TBC1D31: variants seen among roughly 807,000 people sequenced by gnomAD.
The protein encoded by TBC1D31 is TBC1 domain family member 31.
Under a neutral mutation model 132.9 loss-of-function variants are expected in TBC1D31, and 99 were observed. The observed-to-expected ratio is 0.74, with a 90% confidence interval of 0.63 to 0.88. TBC1D31 has a LOEUF of 0.88. Among genes scored for constraint, TBC1D31 ranks in the 40% least tolerant of loss-of-function variants. TBC1D31 has a pLI of 0.00. For missense variants in TBC1D31, 1,134 were observed against 1,256.6 expected (o/e 0.90, Z 1.48); for synonymous variants, 385 against 419.4 (o/e 0.92, Z 1.00).
rs1356775568 is a variant in TBC1D31, at chr8:123,126,080, A to C, written c.1595A>C (p.Glu532Ala). The C allele has an allele frequency of 6.2e-7, 1 of 1,608,494 alleles. No homozygotes were observed. Residue 532 changes from glutamate to alanine, a missense_variant, in exon 12 of 22, where the codon GAA becomes GCA. Transcript: ENST00000287380. ...GTCAATTGGTGTCAACACTGGTTTGAATATTTTCCTAATCCTCCTATCAAT... is the reference window on the plus strand; with the variant it reads ...GTCAATTGGTGTCAACACTGGTTTGCATATTTTCCTAATCCTCCTATCAAT... ...LIINWCQHWF[E>A]YFPNPPINIL...
intron 11 of TBC1D31, among the ~76,000 whole-genome samples, chr8:123,121,146 CAG>C (rs1254544136): frequency 6.6e-6 from 1 of 151,900 alleles, no homozygotes; most frequent in Non-Finnish European, 1.5e-5. Flanking sequence ...TTAGTAGAGA[CAG>C]AGTTTCACCA....
chr8:123,161,913 G>A, the TBC1D31 span, among the ~76,000 whole-genome samples: 1 of 151,570 alleles, frequency 6.6e-6, no homozygotes, highest in Non-Finnish European at 1.5e-5. Flanking sequence ...AGCTACTCGG[G>A]AGGCTAAGGC....
At chr8:123,128,225 A>G in intron 13 of TBC1D31, 56 bp from the exon 14 acceptor site, 2 of 862,900 alleles carry the variant, frequency 2.3e-6, no homozygotes, top group East Asian at 2.5e-5. Flanking sequence ...TTTTAATTCT[A>G]CCTCATAATT....
chr8:123,093,719 A>T lies in TBC1D31; in HGVS notation c.648A>T (p.Leu216Phe), dbSNP rs368195088. The T allele has an allele frequency of 1.9e-6, 3 of 1,598,320 alleles. No individual in the cohort carries two copies. In the African/African-American group the frequency reaches 4.0e-5, roughly 21 times the overall value. ...CTCCACCTGAAAGCTCTAGTATATT[A>T]TACAAAGTGTTTGCTGTAACCAGGT... is the stretch of plus-strand genomic sequence containing the variant. The part of the protein sequence containing the change: ...LPAPPESSSI[L>F]YKVFAVTRDG... The change falls in exon 5 of 22, where the codon TTA (leucine) becomes TTT (phenylalanine). Residue 216 changes from leucine to phenylalanine, a missense_variant. By Grantham distance (22) the Leu-to-Phe change is conservative. Transcript: ENST00000287380.
chr8:123,092,798 C>A (rs1286763349), intron 4 of TBC1D31, among the ~76,000 whole-genome samples: 2 of 121,050 alleles, frequency 1.7e-5, no homozygotes, highest in Non-Finnish European at 3.4e-5. Context: ...TACAGGCACA[C>A]ACCCGGCTAA....
At position 123,092,808 on chromosome 8, in the gene TBC1D31, A is replaced by ATTTTTTTTTTTTTTT. The variant is rs71573666; in HGVS notation, c.520-776_520-762dup. ...GGGACTACAGGCACACACCCGGCTA[A>ATTTTTTTTTTTTTTT]TTTTTTTTTTTTTTTTTTTTTGAGA... On this transcript the variant is annotated intron_variant, in intron 4 of 21. Transcript: ENST00000287380. Among the ~76,000 whole-genome samples, 33 of 103,526 alleles carry ATTTTTTTTTTTTTTT rather than the reference A, an allele frequency of 3.2e-4. 1 individual carries two copies. The highest frequency in any genetic ancestry group is 1.2e-3 in the African/African-American group (28 of 24,332). 67.9% of individuals were successfully genotyped at this position (103,526 alleles called of 152,430 possible).
intron 10 of TBC1D31, among the ~76,000 whole-genome samples, chr8:123,118,510 G>T (rs1209788076): frequency 5.3e-5 from 8 of 152,070 alleles, no homozygotes; most frequent in African/African-American, 1.2e-4. Flanking sequence ...ATCCAGAAGA[G>T]GTTGATAAGA....
At position 123,072,711 on chromosome 8, in the gene TBC1D31, C is replaced by G; in HGVS notation, c.-59C>G. ...CCCGGGCCGGGAGCGCTGGGCCTGC[C>G]GGGAAGGCGCTGGGACGGTTACCCA... On this transcript the variant is annotated 5_prime_UTR_variant, in exon 1 of 22. Transcript: ENST00000287380. The G allele has an allele frequency of 1.3e-6, 2 of 1,529,378 alleles. No individual in the cohort carries two copies. Among genetic ancestry groups the G allele is most frequent in the Non-Finnish European group, 8.8e-7 (1 of 1,130,382 alleles). The allele number at this position is 1,529,378 out of a possible 1,614,324, so 94.7% of individuals were successfully genotyped here.
intron 4 of TBC1D31, among the ~76,000 whole-genome samples, chr8:123,089,403 A>G (rs557472949): frequency 3.9e-5 from 6 of 152,358 alleles, no homozygotes; most frequent in Admixed American, 1.3e-4. Flanking sequence ...TGATAGGATT[A>G]TCTCAGTGCA....
At chr8:123,090,364 C>A (rs1413542914) in intron 4 of TBC1D31, among the ~76,000 whole-genome samples, 2 of 152,142 alleles carry the variant, frequency 1.3e-5, no homozygotes, top group East Asian at 3.9e-4. Context: ...ACCAGTTACA[C>A]CTCTTCAAAT....
chr8:123,160,111 C>T, the TBC1D31 span, among the ~76,000 whole-genome samples: 1 of 152,192 alleles, frequency 6.6e-6, no homozygotes, highest in Non-Finnish European at 1.5e-5. Flanking sequence ...TCCAGGACCT[C>T]ATCCATGACA....
intron 16 of TBC1D31, among the ~76,000 whole-genome samples, chr8:123,133,010 A>G (rs1265352013): frequency 1.3e-5 from 2 of 152,166 alleles, no homozygotes; most frequent in East Asian, 3.9e-4. Flanking sequence ...GCCTCCGCCT[A>G]CCCTTGCAGC....
chr8:123,106,992 T>G (rs1817990604), intron 8 of TBC1D31, among the ~76,000 whole-genome samples: 1 of 152,204 alleles, frequency 6.6e-6, no homozygotes, highest in African/African-American at 2.4e-5. Flanking sequence ...TGAAATATTG[T>G]CTACCAGGGA....
chr8:123,139,856 T>C (rs907099561), intron 17 of TBC1D31, among the ~76,000 whole-genome samples: 1 of 152,222 alleles, frequency 6.6e-6, no homozygotes, highest in Admixed American at 6.5e-5. Context: ...TTTGCTCTAA[T>C]TGTTTTCAGC....
Position 123,077,267 on chromosome 8 carries a change from T to C in TBC1D31, c.224+10T>C, listed in dbSNP as rs781347330. The C allele has an allele frequency of 6.3e-7, 1 of 1,596,230 alleles. No individual in the cohort carries two copies. The highest frequency in any genetic ancestry group is 8.5e-7 in the Non-Finnish European group (1 of 1,173,954). On this transcript the variant is annotated intron_variant, in intron 2 of 21. Transcript: ENST00000287380. The stretch of plus-strand genomic sequence containing the variant: ...ACTTACATGGAAACAGGTAAGCAGA[T>C]ACCATTGATATCTACGTTCTTTAAC...
intron 2 of TBC1D31, among the ~76,000 whole-genome samples, chr8:123,081,478 A>G (rs7018417): frequency 0.3 from 45,931 of 152,084 alleles, 7,151 homozygotes; most frequent in African/African-American, 0.32. Context: ...TAAAATTAAA[A>G]TACACAGTGG....
chr8:123,100,024 C>G (rs1039241363), intron 6 of TBC1D31, among the ~76,000 whole-genome samples: 1 of 152,134 alleles, frequency 6.6e-6, no homozygotes, highest in African/African-American at 2.4e-5. Context: ...CCCTAATCAC[C>G]TCTCATTAGG....
chr8:123,145,850 A>G (rs889636540), intron 20 of TBC1D31, among the ~76,000 whole-genome samples: 1 of 148,530 alleles, frequency 6.7e-6, no homozygotes, highest in African/African-American at 2.5e-5. Context: ...CCTATAATTC[A>G]CCTTTTTTCT....
At chr8:123,110,098 A>G (rs1286206315) in intron 10 of TBC1D31, among the ~76,000 whole-genome samples, 1 of 152,216 alleles carries the variant, frequency 6.6e-6, no homozygotes, top group Non-Finnish European at 1.5e-5. Flanking sequence ...CATCTCAGAA[A>G]AAAAGAACAG....
Sources: gnomAD v4.1 joint callset for allele counts (sites outside exome capture counted in the v4.1 genomes callset) on GRCh38, gnomAD v4.1.1 for gene constraint, MANE v1.5 for transcripts, NCBI Gene and HGNC (gene_info 2026-07-23, HGNC 2026-07-21) for gene names.